Variants in GSTCD observed in about 807,000 individuals in gnomAD.
GSTCD encodes glutathione S-transferase C-terminal domain containing.
GSTCD carries 44 observed loss-of-function variants against 68.3 expected under a neutral mutation model. The ratio of observed to expected loss-of-function variants is 0.64; its 90% CI spans 0.51 to 0.83. The LOEUF (loss-of-function observed/expected upper bound fraction) is 0.83, where lower values mean the gene tolerates loss of function less well. Ranked by LOEUF, GSTCD falls within the 40% of genes least tolerant of loss-of-function variation. GSTCD has a pLI of 0.00. For missense variants in GSTCD, 739 were observed against 735.9 expected (o/e 1.00, Z -0.05); for synonymous variants, 273 against 255.2 (o/e 1.07, Z -0.67).
chr4:105,823,187 T>C, intron 6 of GSTCD, 44 bp from the exon 7 acceptor site: 5 of 1,609,440 alleles, frequency 3.1e-6, no homozygotes, highest in Non-Finnish European at 3.4e-6. Flanking sequence ...GAGGAAAAGC[T>C]GTGGGGACCA....
At chr4:105,714,099 C>G (rs1330219239) in intron 1 of GSTCD, among the ~76,000 whole-genome samples, 1 of 151,218 alleles carries the variant, frequency 6.6e-6, no homozygotes, top group African/African-American at 2.4e-5. Flanking sequence ...TATATTAGAA[C>G]ATTCCTGAGT....
In GSTCD at chr4:105,747,144, T is replaced by C. The variant is rs367907736; in HGVS notation, c.1240+17645T>C. On this transcript the variant is annotated intron_variant, in intron 5 of 11. Coordinates refer to ENST00000515279, the MANE Select transcript of GSTCD (RefSeq NM_001370181.1). ...TATGTAGGCACATTATTTATTGCTA[T>C]TCTTGCCAGAAGGCAAGGGATGCTA... Among the ~76,000 whole-genome samples, 31 of 152,374 alleles carry C rather than the reference T, an allele frequency of 2.0e-4. No individual in the cohort carries two copies. The East Asian group carries it at 5.2e-3, about 26-fold the overall frequency.
Position 105,846,056 on chromosome 4 carries a change from G to A in GSTCD, c.*479G>A, listed in dbSNP as rs1724534068. 6.4e-6 allele frequency: 1 copy of A among 157,184 alleles called. No individual in the cohort carries two copies. The highest frequency in any genetic ancestry group is 2.4e-5 in the African/African-American group (1 of 41,434). 9.7% of individuals were successfully genotyped at this position (157,184 alleles called of 1,614,324 possible). A position where few individuals can be genotyped will look rare whatever the true frequency, so the allele number is the denominator to read the frequency against. ...CTATCACTTTAAAAAAATCTAGTCA[G>A]GTAATTATAGTACAGTTATTTTTAA... On this transcript the variant is annotated 3_prime_UTR_variant, in exon 12 of 12. Transcript: ENST00000515279.
chr4:105,729,651 A>G (rs879587154), intron 5 of GSTCD, 152 bp downstream of exon 5: 2 of 444,558 alleles, frequency 4.5e-6, no homozygotes, highest in Non-Finnish European at 7.9e-6. Flanking sequence ...TGAAAATTAT[A>G]TATACACACA....
chr4:105,795,229 A>G (rs1735837116), intron 5 of GSTCD, among the ~76,000 whole-genome samples: 1 of 152,090 alleles, frequency 6.6e-6, no homozygotes, highest in East Asian at 1.9e-4. Context: ...TTATTTTTCC[A>G]TGCTTCTTGT....
intron 5 of GSTCD, chr4:105,760,994 T>C (rs1734384219): frequency 6.0e-6 from 2 of 334,584 alleles, no homozygotes; most frequent in African/African-American, 2.5e-5. Context: ...TATCCTTTTT[T>C]AATTTTTTTT....
rs35367925 is a variant in GSTCD, at chr4:105,825,100, ATTGGTTGGTTGG to A, written c.1402-549_1402-538del. Among the ~76,000 whole-genome samples the A allele has an allele frequency of 8.3e-4, 124 of 149,816 alleles. 1 individual carries two copies. Among genetic ancestry groups the A allele is most frequent in the East Asian group, 1.2e-3 (6 of 5,104 alleles). Reference sequence around the variant, plus strand: ...GTTTTTTTGTTTGCTTGGTTGGTTGATTGGTTGGTTGGTTGGTTGGTTGGTTGGTTGGTTTGT... The same window carrying A: ...GTTTTTTTGTTTGCTTGGTTGGTTGATTGGTTGGTTGGTTGGTTGGTTTGT... On this transcript the variant is annotated intron_variant, in intron 7 of 11. Transcript: ENST00000515279.
rs141435978 is a variant in GSTCD at position 105,723,400 on chromosome 4, G to T, written c.895-3179G>T. On this transcript the variant is annotated intron_variant, in intron 3 of 11. Coordinates refer to ENST00000515279, the MANE Select transcript of GSTCD (RefSeq NM_001370181.1). ...ATTTAAAATATTTGGAAAAAAAATTGCATCTGTACTGAACATGTACTGACT... is the reference window on the plus strand; with the variant it reads ...ATTTAAAATATTTGGAAAAAAAATTTCATCTGTACTGAACATGTACTGACT... Among the ~76,000 whole-genome samples the T allele has an allele frequency of 6.6e-3, 999 of 151,880 alleles. 14 individuals carry two copies. The highest frequency in any genetic ancestry group is 0.023 in the African/African-American group (942 of 41,476).
intron 5 of GSTCD, among the ~76,000 whole-genome samples, chr4:105,743,779 C>T (rs1733715449): frequency 6.6e-6 from 1 of 151,082 alleles, no homozygotes; most frequent in East Asian, 1.9e-4. Context: ...CTGCCTCAGC[C>T]TCTCGAGTAG....
At chr4:105,725,515 G>A (rs1360506590) in intron 3 of GSTCD, among the ~76,000 whole-genome samples, 1 of 151,964 alleles carries the variant, frequency 6.6e-6, no homozygotes, top group Non-Finnish European at 1.5e-5. Context: ...TCAGTGTTTT[G>A]GGTTTTTGCC....
chr4:105,731,315 C>G (rs138384630), intron 5 of GSTCD, among the ~76,000 whole-genome samples: 2,061 of 152,188 alleles, frequency 0.014, 31 homozygotes, highest in African/African-American at 0.035. Flanking sequence ...TATAAATTAC[C>G]TTGGGCAGTA....
At chr4:105,754,023 T>G (rs567252892) in intron 5 of GSTCD, among the ~76,000 whole-genome samples, 1 of 152,072 alleles carries the variant, frequency 6.6e-6, no homozygotes, top group Non-Finnish European at 1.5e-5. Context: ...ATGATGTAGA[T>G]CCCTGTTTTT....
chr4:105,831,057 G>C (rs1578519646), intron 8 of GSTCD, among the ~76,000 whole-genome samples: 2 of 152,184 alleles, frequency 1.3e-5, no homozygotes, highest in African/African-American at 2.4e-5. Context: ...TTTTCTTTCA[G>C]TGGTGTGGCA....
At chr4:105,825,205 C>A (rs1445598275) in intron 7 of GSTCD, among the ~76,000 whole-genome samples, 1 of 152,136 alleles carries the variant, frequency 6.6e-6, no homozygotes, top group African/African-American at 2.4e-5. Flanking sequence ...TCTCAGCTCA[C>A]TATAACCTCT....
At chr4:105,735,628 G>A (rs1733435733) in intron 5 of GSTCD, among the ~76,000 whole-genome samples, 1 of 152,098 alleles carries the variant, frequency 6.6e-6, no homozygotes, top group Non-Finnish European at 1.5e-5. Flanking sequence ...CTTCCTGGGT[G>A]AGGCGATGCC....
At chr4:105,763,092 T>G (rs765896017) in intron 5 of GSTCD, among the ~76,000 whole-genome samples, 3 of 152,164 alleles carry the variant, frequency 2.0e-5, no homozygotes, top group Non-Finnish European at 4.4e-5. Context: ...GTTTCTCTTT[T>G]TATTGTAAAT....
At chr4:105,770,920 G>T (rs997999500) in intron 5 of GSTCD, among the ~76,000 whole-genome samples, 15 of 151,994 alleles carry the variant, frequency 9.9e-5, no homozygotes, top group African/African-American at 3.6e-4. Flanking sequence ...TGGTATTTCT[G>T]GTTCTGTATC....
In GSTCD at chr4:105,734,206, C is replaced by T. The variant is rs988304786; in HGVS notation, c.1240+4707C>T. ...CGAGGAACATCTTTGTGGCATTCTCCGTATTTCCTGAATTTGAATGTTGGC... is the reference window on the plus strand; with the variant it reads ...CGAGGAACATCTTTGTGGCATTCTCTGTATTTCCTGAATTTGAATGTTGGC... On this transcript the variant is annotated intron_variant, in intron 5 of 11. Coordinates refer to ENST00000515279, the MANE Select transcript of GSTCD (RefSeq NM_001370181.1). Among the ~76,000 whole-genome samples, 12 of 152,142 alleles carry T rather than the reference C, an allele frequency of 7.9e-5. No individual in the cohort carries two copies. In the South Asian group the frequency reaches 1.7e-3, roughly 21 times the overall value.
At chr4:105,723,669 T>C (rs1047814944) in intron 3 of GSTCD, among the ~76,000 whole-genome samples, 2 of 151,812 alleles carry the variant, frequency 1.3e-5, no homozygotes, top group Non-Finnish European at 3.0e-5. Flanking sequence ...TAATACATTT[T>C]ACAAGTTGGA....
Sources: allele counts gnomAD v4.1 joint callset (sites outside exome capture counted in the v4.1 genomes callset), GRCh38; gene constraint gnomAD v4.1.1; transcripts MANE v1.5; gene names NCBI Gene and HGNC (gene_info 2026-07-23, HGNC 2026-07-21).